The following SBNO2 variants were observed in gnomAD, a reference collection of about 807,000 sequenced individuals.
SBNO2 encodes protein strawberry notch homolog 2.
Under a neutral mutation model 146.3 loss-of-function variants are expected in SBNO2, and 89 were observed. The observed-to-expected ratio is 0.61, with a 90% confidence interval of 0.51 to 0.73. The LOEUF (loss-of-function observed/expected upper bound fraction) is 0.73, where lower values mean the gene tolerates loss of function less well. Among genes scored for constraint, SBNO2 ranks in the 30% least tolerant of loss-of-function variants. The pLI is 0.00. For synonymous variants in SBNO2, 1,147 were observed against 892.6 expected (o/e 1.29, Z -5.08); for missense variants, 2,092 against 2,003.7 (o/e 1.04, Z -0.84).
In SBNO2 at chr19:1,108,653, A is replaced by T. The variant is rs1435979862; in HGVS notation, c.3668T>A (p.Leu1223Gln). Residue 1223 changes from leucine to glutamine, a missense_variant, in exon 32 of 32, where the codon CTG becomes CAG. Transcript: ENST00000361757. ...CVRRVLQELR[L>Q]MDADVKRRQA... ...CCTGCGCTTCACGTCCGCATCCATC[A>T]GCCGCAGCTCCTGCAGCACCCGGCG... 1 of 1,516,122 alleles carries T rather than the reference A, an allele frequency of 6.6e-7. No homozygotes were observed. The highest frequency in any genetic ancestry group is 2.6e-5 in the East Asian group (1 of 38,886). The allele number at this position is 1,516,122 out of a possible 1,614,324, so 93.9% of individuals were successfully genotyped here. A position where few individuals can be genotyped will look rare whatever the true frequency, so the allele number is the denominator to read the frequency against.
In SBNO2 at chr19:1,158,436, C is replaced by T. The variant is rs936141174; in HGVS notation, c.-126-4034G>A. Among the ~76,000 whole-genome samples the T allele has an allele frequency of 1.3e-5, 2 of 152,168 alleles. No homozygotes were observed. The highest frequency in any genetic ancestry group is 2.4e-5 in the African/African-American group (1 of 41,436). On this transcript the variant is annotated intron_variant, in intron 1 of 31. Coordinates refer to ENST00000361757, the MANE Select transcript of SBNO2 (RefSeq NM_014963.3). The surrounding 1 kb of genome is among the most constrained non-coding windows in gnomAD (Gnocchi z 9.9). ...GCTCAGGCCACGCTGTGCCCACGTT[C>T]GCGACGGCAAAGCGGAGACCCTGAG...
Position 1,109,378 on chromosome 19 carries a change from C to T in SBNO2, c.3262G>A (p.Gly1088Ser), listed in dbSNP as rs1343794774. 36 of 1,575,562 alleles carry T rather than the reference C, an allele frequency of 2.3e-5. No individual in the cohort carries two copies. Among genetic ancestry groups the T allele is most frequent in the Non-Finnish European group, 2.7e-5 (31 of 1,161,796 alleles). Residue 1088 changes from glycine (G) to serine (S), a missense_variant, in exon 29 of 32, where the codon GGC becomes AGC. Coordinates refer to ENST00000361757, the MANE Select transcript of SBNO2 (RefSeq NM_014963.3). The surrounding 1 kb of genome is among the most constrained non-coding windows in gnomAD (Gnocchi z 4.2). ...GGCTTGTACACCGTGAAGAACTGGC[C>T]GCGGTTCTGCTCCGCCAGCAGGCAG... ...PSCLLAEQNRGQFFTVYKPNI... is the reference protein window; with the variant it reads ...PSCLLAEQNRSQFFTVYKPNI...
At position 1,109,803 on chromosome 19, in the gene SBNO2, G is replaced by C. The variant is rs769374940; in HGVS notation, c.3029-26C>G. The C allele has an allele frequency of 1.3e-6, 2 of 1,535,032 alleles. No individual in the cohort carries two copies. The highest frequency in any genetic ancestry group is 1.8e-6 in the Non-Finnish European group (2 of 1,125,136). On this transcript the variant is annotated intron_variant, in intron 26 of 31. Transcript: ENST00000361757. This position sits in a 1 kb window ranked among gnomAD's most constrained non-coding sequence, Gnocchi z 4.2. ...CTAGGGGGGCGGGTGGAGGGTAAGT[G>C]GTGTCCAGGCCTGGGACTGTGGGCT...
chr19:1,141,929 C>T (rs573180019), intron 4 of SBNO2, among the ~76,000 whole-genome samples: 16 of 152,184 alleles, frequency 1.1e-4, no homozygotes, highest in African/African-American at 3.1e-4. Context: ...AGTCCTGACT[C>T]AAACATGACC....
At chr19:1,148,425 G>T (rs1486635238) in intron 3 of SBNO2, among the ~76,000 whole-genome samples, 1 of 150,362 alleles carries the variant, frequency 6.7e-6, no homozygotes, top group African/African-American at 2.4e-5. Context: ...TACCCCCCCT[G>T]CAGAACCCAG....
rs758349061 is a variant in SBNO2, at chr19:1,112,374, G to A, written c.2515+28C>T. The A allele has an allele frequency of 1.2e-4, 193 of 1,581,992 alleles. No individual in the cohort carries two copies. The highest frequency in any genetic ancestry group is 1.6e-4 in the Non-Finnish European group (186 of 1,167,640). ...GAGACCATGTTGGGGGCGGGGCCAGGCAGCGCTGGGGGCGGGGCCGGACTC... is the reference window on the plus strand; with the variant it reads ...GAGACCATGTTGGGGGCGGGGCCAGACAGCGCTGGGGGCGGGGCCGGACTC... On this transcript the variant is annotated intron_variant, in intron 21 of 31. Transcript: ENST00000361757. The surrounding 1 kb of genome is among the most constrained non-coding windows in gnomAD (Gnocchi z 5.9).
At chr19:1,166,722 G>A (rs1453542989) in intron 1 of SBNO2, among the ~76,000 whole-genome samples, 2 of 151,974 alleles carry the variant, frequency 1.3e-5, no homozygotes, top group Non-Finnish European at 2.9e-5. Context: ...TAACCTACAC[G>A]TCTTTTTCTC....
chr19:1,116,138 G>A lies in SBNO2; in HGVS notation c.1803-35C>T, dbSNP rs768591048. Reference sequence around the variant, plus strand: ...AGACGCGGAGTTTATTCTCACACGAGGAGCTGAGGCCAGGCGGGGTTGCTC... The same window carrying A: ...AGACGCGGAGTTTATTCTCACACGAAGAGCTGAGGCCAGGCGGGGTTGCTC... On this transcript the variant is annotated intron_variant, in intron 16 of 31. Coordinates refer to ENST00000361757, the MANE Select transcript of SBNO2 (RefSeq NM_014963.3). 9 of 1,579,630 alleles carry A rather than the reference G, an allele frequency of 5.7e-6. No individual in the cohort carries two copies. The Admixed American group carries it at 1.1e-4, about 18-fold the overall frequency.
chr19:1,115,824 C>T, intron 17 of SBNO2, 197 bp downstream of exon 17: 1 of 610,332 alleles, frequency 1.6e-6, no homozygotes, highest in Middle Eastern at 2.6e-4. Context: ...GTTGCTTCCT[C>T]TTCCCTAAGC....
At chr19:1,127,083 A>G (rs959922354) in intron 5 of SBNO2, among the ~76,000 whole-genome samples, 2 of 150,358 alleles carry the variant, frequency 1.3e-5, no homozygotes, top group African/African-American at 5.0e-5. Flanking sequence ...GCTCCCCACT[A>G]GCGGGGACAC....
chr19:1,172,086 G>T (rs1175921009), intron 1 of SBNO2, among the ~76,000 whole-genome samples: 1 of 152,178 alleles, frequency 6.6e-6, no homozygotes, highest in African/African-American at 2.4e-5. Context: ...GGGCCCTCCT[G>T]GCTCCTGGCA....
At chr19:1,130,185 G>A (rs934086416) in intron 4 of SBNO2, among the ~76,000 whole-genome samples, 4 of 152,204 alleles carry the variant, frequency 2.6e-5, no homozygotes, top group South Asian at 2.1e-4. Context: ...CAAGCAAAGC[G>A]TGGGCCTCAG....
chr19:1,112,491 T>C lies in SBNO2; in HGVS notation c.2426A>G (p.Gln809Arg). 6.2e-7 allele frequency: 1 copy of C among 1,606,478 alleles called. No individual in the cohort carries two copies. The highest frequency in any genetic ancestry group is 8.5e-7 in the Non-Finnish European group (1 of 1,178,424). Residue 809 changes from glutamine to arginine, a missense_variant, in exon 21 of 32, where the codon CAA becomes CGA. Physicochemically the swap from Gln to Arg is conservative, Grantham distance 43 (BLOSUM62 1). Transcript: ENST00000361757. This position sits in a 1 kb window ranked among gnomAD's most constrained non-coding sequence, Gnocchi z 5.9. ...SEASSSGVSLQADRRVQNQRR... is the reference protein window; with the variant it reads ...SEASSSGVSLRADRRVQNQRR... ...CTGGTTCTGGACACGGCGGTCGGCTTGGAGGGAGACACCCGAGCTGGAGGC... is the reference window on the plus strand; with the variant it reads ...CTGGTTCTGGACACGGCGGTCGGCTCGGAGGGAGACACCCGAGCTGGAGGC...
At position 1,150,716 on chromosome 19, in the gene SBNO2, C is replaced by T. The variant is rs1399893499; in HGVS notation, c.94-1274G>A. ...TCCCAGGCCCACGTGAGCCCTGCTCCTCTATGAGGCCCTGATGCAATTCCC... is the reference window on the plus strand; with the variant it reads ...TCCCAGGCCCACGTGAGCCCTGCTCTTCTATGAGGCCCTGATGCAATTCCC... On this transcript the variant is annotated intron_variant, in intron 2 of 31. Transcript: ENST00000361757. This position sits in a 1 kb window ranked among gnomAD's most constrained non-coding sequence, Gnocchi z 6.2. Among the ~76,000 whole-genome samples, 1 of 152,186 alleles carries T rather than the reference C, an allele frequency of 6.6e-6. No individual in the cohort carries two copies. The highest frequency in any genetic ancestry group is 1.5e-5 in the Non-Finnish European group (1 of 68,016).
At position 1,158,740 on chromosome 19, in the gene SBNO2, C is replaced by T. The variant is rs2080315788; in HGVS notation, c.-126-4338G>A. Among the ~76,000 whole-genome samples, 8 of 152,194 alleles carry T rather than the reference C, an allele frequency of 5.3e-5. No individual in the cohort carries two copies. The highest frequency in any genetic ancestry group is 5.2e-4 in the Admixed American group (8 of 15,288). On this transcript the variant is annotated intron_variant, in intron 1 of 31. Transcript: ENST00000361757. This position sits in a 1 kb window ranked among gnomAD's most constrained non-coding sequence, Gnocchi z 9.9. ...AGGTTCTCCGGGCAGGCACAAGGCGCTCCCTGCGTCCCAGGACCTGAAGAT... is the reference window on the plus strand; with the variant it reads ...AGGTTCTCCGGGCAGGCACAAGGCGTTCCCTGCGTCCCAGGACCTGAAGAT...
At chr19:1,132,357 G>A (rs1348801215) in intron 4 of SBNO2, 13 of 1,187,122 alleles carry the variant, frequency 1.1e-5, no homozygotes, top group Non-Finnish European at 1.4e-5. Flanking sequence ...GTAAGTCAGG[G>A]CAATTACCGG....
chr19:1,158,669 G>A lies in SBNO2; in HGVS notation c.-126-4267C>T, dbSNP rs918876321. 5.6e-4 allele frequency among the ~76,000 whole-genome samples: 86 copies of A among 152,308 alleles called. No individual in the cohort carries two copies. Among genetic ancestry groups the A allele is most frequent in the African/African-American group, 1.9e-3 (80 of 41,564 alleles). On this transcript the variant is annotated intron_variant, in intron 1 of 31. Coordinates refer to ENST00000361757, the MANE Select transcript of SBNO2 (RefSeq NM_014963.3). The surrounding 1 kb of genome is among the most constrained non-coding windows in gnomAD (Gnocchi z 9.9). ...GGGCGCGACCGTGGTGATGGAGCCC[G>A]GCAGAGGCCACCGCACAGTCCCTGG...
At chr19:1,166,260 G>C (rs965576258) in intron 1 of SBNO2, among the ~76,000 whole-genome samples, 2 of 26,324 alleles carry the variant, frequency 7.6e-5, no homozygotes, top group African/African-American at 1.4e-4. Flanking sequence ...AGCCCAGAGG[G>C]AGGCCCGGTG....
intron 8 of SBNO2, 28 bp downstream of exon 8, chr19:1,122,866 C>CA (rs2079919955): frequency 6.5e-7 from 1 of 1,539,782 alleles, no homozygotes; most frequent in African/African-American, 1.4e-5. Context: ...CGGACACAGG[C>CA]TGGGCTGGGT....
Sources: gnomAD v4.1 joint callset for allele counts (sites outside exome capture counted in the v4.1 genomes callset) on GRCh38, gnomAD v4.1.1 for gene constraint, Gnocchi (gnomAD v3.1) non-coding constraint, MANE v1.5 for transcripts, NCBI Gene and HGNC (gene_info 2026-07-23, HGNC 2026-07-21) for gene names.